Variants in ZNF536 observed in about 807,000 individuals in gnomAD.
The protein encoded by ZNF536 is zinc finger protein 536.
ZNF536 carries 13 observed loss-of-function variants against 84.5 expected under a neutral mutation model. The ratio of observed to expected loss-of-function variants is 0.15; its 90% CI spans 0.10 to 0.24. The LOEUF (loss-of-function observed/expected upper bound fraction) is 0.24, where lower values mean the gene tolerates loss of function less well. Ranked by LOEUF, ZNF536 falls within the 10% of genes least tolerant of loss-of-function variation. ZNF536 has a pLI of 1.00. For missense variants in ZNF536, 1,536 were observed against 1,747.5 expected (o/e 0.88, Z 2.16); for synonymous variants, 811 against 742.5 (o/e 1.09, Z -1.50).
At position 30,344,304 on chromosome 19, in the gene ZNF536, T is replaced by TATATATATATATATATATATA. The variant is rs1460061348; in HGVS notation, c.-119-8064_-119-8063insATATATATATATATATATATA. Among the ~76,000 whole-genome samples, 6 of 66,240 alleles carry TATATATATATATATATATATA rather than the reference T, an allele frequency of 9.1e-5. 1 individual carries two copies. The highest frequency in any genetic ancestry group is 1.9e-4 in the Admixed American group (1 of 5,264). 43.5% of individuals were successfully genotyped at this position (66,240 alleles called of 152,430 possible). On this transcript the variant is annotated intron_variant, in intron 2 of 5. Transcript: ENST00000585628. ...AAATACACACACACACACAAATATA[T>TATATATATATATATATATATA]TGGCGGCCTCCTATAATCCCAGCTA...
At chr19:30,232,346 T>C (rs971570917) in intron 1 of ZNF536, among the ~76,000 whole-genome samples, 1 of 152,164 alleles carries the variant, frequency 6.6e-6, no homozygotes, top group Non-Finnish European at 1.5e-5. Flanking sequence ...GGGTACATTG[T>C]GTGATGCTGA....
chr19:30,655,860 G>T (rs909967266), intron 1 of ZNF536, among the ~76,000 whole-genome samples: 3 of 152,034 alleles, frequency 2.0e-5, no homozygotes, highest in African/African-American at 4.8e-5. Flanking sequence ...GCAACATAAT[G>T]GGACCCTGTC....
chr19:30,631,392 G>A (rs1384840039), intron 1 of ZNF536, among the ~76,000 whole-genome samples: 2 of 152,186 alleles, frequency 1.3e-5, no homozygotes, highest in Non-Finnish European at 2.9e-5. Context: ...AGGCCGAGAG[G>A]CTGGCCCAGT....
At chr19:30,681,795 CT>C (rs1377621810) in intron 1 of ZNF536, among the ~76,000 whole-genome samples, 1 of 152,208 alleles carries the variant, frequency 6.6e-6, no homozygotes, top group Non-Finnish European at 1.5e-5. Flanking sequence ...GTTCCACCCT[CT>C]GGTCTCTGGG....
At chr19:30,433,234 C>A (rs1448503530) in intron 1 of ZNF536, among the ~76,000 whole-genome samples, 1 of 152,220 alleles carries the variant, frequency 6.6e-6, no homozygotes, top group African/African-American at 2.4e-5. Context: ...TCCTTCCCTT[C>A]TCTCTCCTGC....
chr19:30,355,114 C>T (rs902034387), intron 3 of ZNF536, among the ~76,000 whole-genome samples: 2 of 152,180 alleles, frequency 1.3e-5, no homozygotes, highest in African/African-American at 4.8e-5. Flanking sequence ...GTATTTGGCT[C>T]ATGGTTCTTC....
intron 1 of ZNF536, among the ~76,000 whole-genome samples, chr19:30,265,051 C>T (rs1414887832): frequency 6.6e-6 from 1 of 151,940 alleles, no homozygotes; most frequent in Non-Finnish European, 1.5e-5. Flanking sequence ...TGCAGTTTGT[C>T]ACAGAGCTCT....
chr19:30,462,114 A>C (rs1340185583), intron 2 of ZNF536, among the ~76,000 whole-genome samples: 2 of 152,208 alleles, frequency 1.3e-5, no homozygotes, highest in Non-Finnish European at 2.9e-5. Context: ...TGTTGTGGGC[A>C]CAGAGGGCTG....
rs148118217 is a variant in ZNF536 at position 30,665,718 on chromosome 19, C to T, written c.170-45039C>T. The T allele has an allele frequency of 4.0e-3, 605 of 152,346 alleles. 5 individuals are homozygous for T. The highest frequency in any genetic ancestry group is 6.5e-3 in the Non-Finnish European group (442 of 68,100). 9.4% of individuals were successfully genotyped at this position (152,346 alleles called of 1,614,324 possible). On this transcript the variant is annotated intron_variant, in intron 1 of 1. Coordinates refer to the ZNF536 transcript ENST00000592773. ...ACCCTTTCCATGTCCATTCCAGGCT[C>T]GAGGGAACAAGCCAGGTTTCCCTTT...
intron 2 of ZNF536, among the ~76,000 whole-genome samples, chr19:30,494,376 C>T (rs904731733): frequency 3.3e-5 from 5 of 152,228 alleles, no homozygotes; most frequent in Admixed American, 6.5e-5. Context: ...CGTCTTGCTT[C>T]GACTTCACTC....
At chr19:30,314,156 C>T (rs995436597) in intron 2 of ZNF536, among the ~76,000 whole-genome samples, 1 of 152,196 alleles carries the variant, frequency 6.6e-6, no homozygotes, top group Non-Finnish European at 1.5e-5. Context: ...GCTCTGCTCA[C>T]CTGCTGTGCA....
chr19:30,610,415 G>A (rs1462468761), intron 1 of ZNF536, among the ~76,000 whole-genome samples: 1 of 152,092 alleles, frequency 6.6e-6, no homozygotes, highest in Non-Finnish European at 1.5e-5. Flanking sequence ...CCCCCTTGGT[G>A]GCCAGTCCTT....
chr19:30,423,216 C>T (rs2051058492), intron 1 of ZNF536, among the ~76,000 whole-genome samples: 1 of 151,856 alleles, frequency 6.6e-6, no homozygotes, highest in African/African-American at 2.4e-5. Flanking sequence ...TTACTTTCTT[C>T]CTTTCTCCCT....
chr19:30,335,445 C>T (rs903088288), intron 2 of ZNF536, among the ~76,000 whole-genome samples: 3 of 152,286 alleles, frequency 2.0e-5, no homozygotes, highest in South Asian at 2.1e-4. Flanking sequence ...CCTTTTCCCA[C>T]GTGGTCTGTG....
intron 1 of ZNF536, among the ~76,000 whole-genome samples, chr19:30,705,831 A>G (rs892105522): frequency 6.6e-6 from 1 of 152,262 alleles, no homozygotes; most frequent in Non-Finnish European, 1.5e-5. Flanking sequence ...CTAAGTGAAA[A>G]TGAAACCAAT....
chr19:30,449,594 G>A (rs146013678), intron 2 of ZNF536, among the ~76,000 whole-genome samples: 58 of 152,330 alleles, frequency 3.8e-4, no homozygotes, highest in African/African-American at 1.4e-3. Flanking sequence ...GGGGATAATT[G>A]AAGTGTTGAT....
chr19:30,361,926 G>A (rs1267670808), intron 3 of ZNF536, among the ~76,000 whole-genome samples: 2 of 152,166 alleles, frequency 1.3e-5, no homozygotes, highest in African/African-American at 2.4e-5. Flanking sequence ...GCCCTTCAGA[G>A]GTCGAGAGCT....
chr19:30,632,825 T>A (rs1039969275), intron 1 of ZNF536, among the ~76,000 whole-genome samples: 123 of 152,326 alleles, frequency 8.1e-4, no homozygotes, highest in African/African-American at 2.9e-3. Context: ...ACAGAGAAAT[T>A]AGAAAGAAGT....
At chr19:30,570,565 G>A (rs1599844234) in intron 1 of ZNF536, among the ~76,000 whole-genome samples, 1 of 152,000 alleles carries the variant, frequency 6.6e-6, no homozygotes, top group Non-Finnish European at 1.5e-5. Flanking sequence ...TGTAATAACC[G>A]TTGTCAACAG....
Sources: gnomAD v4.1 joint callset for allele counts (sites outside exome capture counted in the v4.1 genomes callset) on GRCh38, gnomAD v4.1.1 for gene constraint, MANE v1.5 for transcripts, NCBI Gene and HGNC (gene_info 2026-07-23, HGNC 2026-07-21) for gene names.